SLC6A17: variants seen among roughly 807,000 people sequenced by gnomAD.
SLC6A17 encodes solute carrier family 6 member 17, also known as sodium-dependent neutral amino acid transporter SLC6A17.
Under a neutral mutation model 64.5 loss-of-function variants are expected in SLC6A17, and 21 were observed. The observed-to-expected ratio is 0.33, with a 90% CI of 0.23 to 0.47. The LOEUF is 0.47. Ranked by LOEUF, SLC6A17 falls within the 20% of genes least tolerant of loss-of-function variation. SLC6A17 has a pLI of 1.00. For missense variants in SLC6A17, 682 were observed against 963.2 expected, an observed-to-expected ratio of 0.71 and a Z score of 3.86; for synonymous variants, 372 against 399.5, an observed-to-expected ratio of 0.93 and a Z score of 0.82.
At chr1:110,151,109 C>T (rs1371554434) in intron 1 of SLC6A17, among the ~76,000 whole-genome samples, 3 of 152,254 alleles carry the variant, frequency 2.0e-5, no homozygotes, top group Admixed American at 6.5e-5. Context: ...TCGGGGTCCC[C>T]AGCGGCGTAC....
chr1:110,173,916 G>C, intron 3 of SLC6A17, 57 bp from the exon 4 acceptor site: 2 of 1,561,906 alleles, frequency 1.3e-6, no homozygotes, highest in South Asian at 1.2e-5. Flanking sequence ...GGTGGAGCGT[G>C]GGGGCAGGGT....
rs988481351 is a variant in SLC6A17 at position 110,174,095 on chromosome 1, G to A, written c.567G>A (p.Val189=). Residue 189 remains valine (V), a synonymous_variant, in exon 4 of 12, where the codon GTG becomes GTA. Coordinates refer to ENST00000331565, the MANE Select transcript of SLC6A17 (RefSeq NM_001010898.4). Reference sequence around the variant, plus strand: ...GTCCTGTCGTCAGGAATGGGAGCGTGGCAGGCAAGTATGGGGCCCAGCTGG... The same window carrying A: ...GTCCTGTCGTCAGGAATGGGAGCGTAGCAGGCAAGTATGGGGCCCAGCTGG... ...SECPVVRNGS[V]AVVEAECEKS... is the part of the protein sequence containing the mutation. The A allele has an allele frequency of 4.3e-6, 7 of 1,614,094 alleles. No homozygotes were observed. The highest frequency in any genetic ancestry group is 2.5e-6 in the Non-Finnish European group (3 of 1,179,964).
intron 6 of SLC6A17, among the ~76,000 whole-genome samples, chr1:110,179,398 A>C (rs897060540): frequency 6.6e-6 from 1 of 152,218 alleles, no homozygotes; most frequent in African/African-American, 2.4e-5. Context: ...CAAGCTGTAC[A>C]TGAAAATCCC....
intron 6 of SLC6A17, among the ~76,000 whole-genome samples, chr1:110,184,658 T>C (rs1656631775): frequency 6.6e-6 from 1 of 152,008 alleles, no homozygotes; most frequent in Non-Finnish European, 1.5e-5. Flanking sequence ...CAACTTAGCA[T>C]GTTGAGGAAG....
intron 6 of SLC6A17, chr1:110,178,596 A>G (rs1656433569): frequency 6.5e-6 from 1 of 153,278 alleles, no homozygotes. Flanking sequence ...TAGACTGGAT[A>G]ATTTATAAAC....
At chr1:110,168,029 A>G (rs550441154) in intron 2 of SLC6A17, 1 of 152,210 alleles carries the variant, frequency 6.6e-6, no homozygotes, top group African/African-American at 2.4e-5. Flanking sequence ...TCAAACCACT[A>G]CCACCACTTC....
intron 9 of SLC6A17, among the ~76,000 whole-genome samples, chr1:110,195,332 A>G (rs1202689127): frequency 2.0e-5 from 3 of 152,254 alleles, no homozygotes; most frequent in Non-Finnish European, 4.4e-5. Context: ...GCCACGGGCC[A>G]GGCCCTGTGC....
chr1:110,160,083 TTC>T (rs1201327715), intron 1 of SLC6A17, among the ~76,000 whole-genome samples: 2 of 152,246 alleles, frequency 1.3e-5, no homozygotes, highest in Non-Finnish European at 2.9e-5. Context: ...AAGCTTTTCT[TTC>T]TCTTTCTCCT....
chr1:110,194,820 G>T (rs1553207731), intron 9 of SLC6A17, 49 bp downstream of exon 9: 7 of 1,601,768 alleles, frequency 4.4e-6, no homozygotes, highest in South Asian at 2.2e-5. Flanking sequence ...TGCCCTTGTG[G>T]ACAACAATTC....
intron 1 of SLC6A17, among the ~76,000 whole-genome samples, chr1:110,157,511 T>G (rs1329477829): frequency 1.3e-5 from 2 of 151,966 alleles, no homozygotes; most frequent in Non-Finnish European, 2.9e-5. Flanking sequence ...AGGTGGAGGT[T>G]GCAGTGAGCC....
chr1:110,171,850 G>A lies in SLC6A17; in HGVS notation c.287-210G>A, dbSNP rs188462761. ...TCCTCCCTTAGTGTTTCGGGTCAGG[G>A]GAGTCAAGGGGGAGAAGGAGGGTCT... On this transcript the variant is annotated intron_variant, in intron 2 of 11. Coordinates refer to ENST00000331565, the MANE Select transcript of SLC6A17 (RefSeq NM_001010898.4). 2.3e-3 allele frequency among the ~76,000 whole-genome samples: 344 copies of A among 152,256 alleles called. 1 individual carries two copies. Among genetic ancestry groups the A allele is most frequent in the African/African-American group, 7.6e-3 (317 of 41,526 alleles).
In SLC6A17 at chr1:110,198,095, A is replaced by G. The variant is rs1405447811; in HGVS notation, c.1835A>G (p.Tyr612Cys). Residue 612 changes from tyrosine to cysteine, a missense_variant, in exon 12 of 12, where the codon TAT (tyrosine) becomes TGT (cysteine). Coordinates refer to ENST00000331565, the MANE Select transcript of SLC6A17 (RefSeq NM_001010898.4). ...IKEEAAERYL[Y>C]FPNWAMALLI... ...CCGCAGGCTGCCGAGCGCTACCTGT[A>G]TTTCCCCAACTGGGCCATGGCACTC... 6.2e-7 allele frequency: 1 copy of G among 1,613,070 alleles called. No homozygotes were observed. Among genetic ancestry groups the G allele is most frequent in the Non-Finnish European group, 8.5e-7 (1 of 1,179,700 alleles).
chr1:110,160,777 G>A (rs1420823731), intron 1 of SLC6A17, among the ~76,000 whole-genome samples: 4 of 152,172 alleles, frequency 2.6e-5, no homozygotes, highest in African/African-American at 9.7e-5. Context: ...TGGAAGCCGA[G>A]GCCCGGGAGA....
intron 3 of SLC6A17, among the ~76,000 whole-genome samples, chr1:110,173,152 A>G (rs1442173933): frequency 6.6e-6 from 1 of 152,254 alleles, no homozygotes; most frequent in Non-Finnish European, 1.5e-5. Flanking sequence ...AAAGAACCCA[A>G]GTAAAAGAAG....
At chr1:110,188,180 A>C (rs1282664292) in intron 6 of SLC6A17, among the ~76,000 whole-genome samples, 1 of 152,252 alleles carries the variant, frequency 6.6e-6, no homozygotes, top group African/African-American at 2.4e-5. Flanking sequence ...CATATGCATC[A>C]CATTACCTTT....
intron 6 of SLC6A17, among the ~76,000 whole-genome samples, chr1:110,191,434 G>A (rs1262568502): frequency 6.6e-6 from 1 of 152,224 alleles, no homozygotes; most frequent in East Asian, 1.9e-4. Flanking sequence ...CTGTGCTTCA[G>A]GTTGGGTGAT....
intron 6 of SLC6A17, among the ~76,000 whole-genome samples, chr1:110,186,893 G>A (rs531093524): frequency 4.9e-4 from 74 of 152,342 alleles, no homozygotes; most frequent in Middle Eastern, 3.4e-3. Context: ...TGGGTTTTGA[G>A]AAATTTGTAG....
chr1:110,198,531 G>A lies in SLC6A17; in HGVS notation c.*87G>A, dbSNP rs1420235822. On this transcript the variant is annotated 3_prime_UTR_variant, in exon 12 of 12. Coordinates refer to ENST00000331565, the MANE Select transcript of SLC6A17 (RefSeq NM_001010898.4). The stretch of plus-strand genomic sequence containing the variant: ...GGCCTCTTTCTTGAGGTGGCCACCA[G>A]GCCCAGGCCAGGCCCTTTGCCCAAG... 2.0e-6 allele frequency: 3 copies of A among 1,520,786 alleles called. No individual in the cohort carries two copies. In the East Asian group the frequency reaches 6.8e-5, roughly 34 times the overall value. 94.2% of individuals were successfully genotyped at this position (1,520,786 alleles called of 1,614,324 possible). A position where few individuals can be genotyped will look rare whatever the true frequency, so the allele number is the denominator to read the frequency against.
At chr1:110,197,629 C>T in intron 11 of SLC6A17, 30 bp downstream of exon 11, 5 of 1,559,338 alleles carry the variant, frequency 3.2e-6, no homozygotes, top group Non-Finnish European at 4.3e-6. Context: ...ACCCCAGGGA[C>T]ATTTGCATCT....
Sources: allele counts gnomAD v4.1 joint callset (sites outside exome capture counted in the v4.1 genomes callset), GRCh38; gene constraint gnomAD v4.1.1; transcripts MANE v1.5; gene names NCBI Gene and HGNC (gene_info 2026-07-23, HGNC 2026-07-21).